ELMO1: variants seen among roughly 807,000 people sequenced by gnomAD.
ELMO1 encodes engulfment and cell motility protein 1.
A neutral mutation model predicts 98.9 loss-of-function variants in ELMO1; 26 were observed. The observed-to-expected ratio is 0.26, with a 90% CI of 0.19 to 0.36. The LOEUF is 0.36. Among genes scored for constraint, ELMO1 ranks in the 10% least tolerant of loss-of-function variants. The probability of loss-of-function intolerance (pLI) is 1.00; values close to 1 mark genes in which losing one functional copy is unlikely to be tolerated. For synonymous variants in ELMO1, 346 were observed against 346.0 expected, an observed-to-expected ratio of 1.00 and a Z score of 0.00; for missense variants, 627 against 935.2, an observed-to-expected ratio of 0.67 and a Z score of 4.30.
At chr7:36,970,281 T>G (rs969529115) in intron 16 of ELMO1, among the ~76,000 whole-genome samples, 8 of 152,128 alleles carry the variant, frequency 5.3e-5, no homozygotes, top group African/African-American at 1.9e-4. Context: ...ATGAATTATT[T>G]CTTGGTAATC....
At chr7:37,423,760 C>T (rs79315690) in intron 1 of ELMO1, among the ~76,000 whole-genome samples, 1 of 152,158 alleles carries the variant, frequency 6.6e-6, no homozygotes, top group East Asian at 1.9e-4. Context: ...CAGGGAAATA[C>T]GGACTTGGGA....
At chr7:37,039,119 C>G (rs966264135) in intron 15 of ELMO1, among the ~76,000 whole-genome samples, 42 of 152,090 alleles carry the variant, frequency 2.8e-4, no homozygotes, top group Admixed American at 2.4e-3. Flanking sequence ...AAATGAGTCA[C>G]TGCTCCAATT....
At position 36,958,513 on chromosome 7, in the gene ELMO1, A is replaced by G. The variant is rs370805609; in HGVS notation, c.1437+54786T>C. On this transcript the variant is annotated intron_variant, in intron 16 of 21. Coordinates refer to ENST00000310758, the MANE Select transcript of ELMO1 (RefSeq NM_014800.11). ...AACTTAGATCCTCATTTCACTAAGAAACTAAAAGCAATCATAAGATAACTT... is the reference window on the plus strand; with the variant it reads ...AACTTAGATCCTCATTTCACTAAGAGACTAAAAGCAATCATAAGATAACTT... 1.1e-4 allele frequency among the ~76,000 whole-genome samples: 16 copies of G among 152,294 alleles called. No individual in the cohort carries two copies. The East Asian group carries it at 1.5e-3, about 15-fold the overall frequency.
At chr7:37,285,975 G>C (rs926117936) in intron 4 of ELMO1, among the ~76,000 whole-genome samples, 1 of 151,600 alleles carries the variant, frequency 6.6e-6, no homozygotes, top group Admixed American at 6.6e-5. Context: ...GTCTCAGAAA[G>C]CCACAAAGTG....
intron 1 of ELMO1, among the ~76,000 whole-genome samples, chr7:37,425,632 CA>C (rs1418237835): frequency 6.6e-5 from 10 of 152,246 alleles, no homozygotes; most frequent in African/African-American, 2.4e-4. Context: ...TGGCTTTGGC[CA>C]AGTAATCACA....
At chr7:37,088,922 C>T (rs1038547944) in intron 15 of ELMO1, among the ~76,000 whole-genome samples, 1 of 151,856 alleles carries the variant, frequency 6.6e-6, no homozygotes, top group Non-Finnish European at 1.5e-5. Flanking sequence ...AAGAGTAGAA[C>T]GTGAAAATTC....
At chr7:36,941,537 C>T (rs1055738996) in intron 16 of ELMO1, among the ~76,000 whole-genome samples, 5 of 152,210 alleles carry the variant, frequency 3.3e-5, no homozygotes, top group African/African-American at 1.2e-4. Flanking sequence ...CCTTCTTAAA[C>T]CTAGCATTTC....
intron 18 of ELMO1, among the ~76,000 whole-genome samples, chr7:36,883,890 A>G (rs1246795872): frequency 1.3e-5 from 2 of 152,230 alleles, no homozygotes; most frequent in Non-Finnish European, 2.9e-5. Flanking sequence ...TCCAGGGAAC[A>G]CAGAAGCCAG....
At chr7:37,033,506 A>AG in intron 15 of ELMO1, 1 of 406,924 alleles carries the variant, frequency 2.5e-6, no homozygotes, top group Non-Finnish European at 4.8e-6. Flanking sequence ...AAAAAAAAAA[A>AG]TACACCAAAC....
intron 15 of ELMO1, among the ~76,000 whole-genome samples, chr7:37,067,088 T>A (rs1797021872): frequency 6.6e-6 from 1 of 152,230 alleles, no homozygotes. Flanking sequence ...TGTCAGAATT[T>A]AAAGAAGATC....
chr7:36,955,970 T>C (rs1788407603), intron 16 of ELMO1, among the ~76,000 whole-genome samples: 1 of 152,240 alleles, frequency 6.6e-6, no homozygotes, highest in Non-Finnish European at 1.5e-5. Context: ...CTGGATTCCA[T>C]GTCTCTCTCC....
intron 16 of ELMO1, among the ~76,000 whole-genome samples, chr7:37,010,796 T>C (rs1342635874): frequency 6.6e-6 from 1 of 152,212 alleles, no homozygotes; most frequent in Non-Finnish European, 1.5e-5. Context: ...AAAAGTTATA[T>C]ACGCATGACA....
chr7:36,861,966 G>A (rs1038397026), intron 20 of ELMO1: 12 of 562,522 alleles, frequency 2.1e-5, no homozygotes, highest in African/African-American at 2.1e-4. Context: ...TGCAGCCCAT[G>A]TAGCAAGTGT....
intron 13 of ELMO1, among the ~76,000 whole-genome samples, chr7:37,193,988 C>A (rs1353575973): frequency 6.6e-6 from 1 of 152,200 alleles, no homozygotes; most frequent in Non-Finnish European, 1.5e-5. Context: ...CACTTCTCAT[C>A]CAGAATGCTC....
At chr7:37,365,962 A>G (rs184604757) in intron 1 of ELMO1, among the ~76,000 whole-genome samples, 171 of 152,386 alleles carry the variant, frequency 1.1e-3, no homozygotes, top group African/African-American at 3.7e-3. Flanking sequence ...AAAATATCTG[A>G]TAGATGAATG....
intron 1 of ELMO1, among the ~76,000 whole-genome samples, chr7:37,409,233 A>G (rs1803899646): frequency 4.6e-5 from 7 of 152,280 alleles, no homozygotes; most frequent in Admixed American, 3.9e-4. Flanking sequence ...TAATGCTGAC[A>G]TCTATTAAAT....
At chr7:37,018,130 T>A (rs1449435756) in intron 15 of ELMO1, among the ~76,000 whole-genome samples, 1 of 147,380 alleles carries the variant, frequency 6.8e-6, no homozygotes, top group East Asian at 2.0e-4. Flanking sequence ...TAGTTACTAT[T>A]TTTTTTTTTT....
intron 10 of ELMO1, 21 bp from the exon 11 acceptor site, chr7:37,216,716 C>T: frequency 6.2e-7 from 1 of 1,608,592 alleles, no homozygotes; most frequent in Non-Finnish European, 8.5e-7. Flanking sequence ...AAAACACACC[C>T]ACACAAAGGC....
At chr7:37,260,181 T>C (rs1229264596) in intron 5 of ELMO1, among the ~76,000 whole-genome samples, 2 of 152,234 alleles carry the variant, frequency 1.3e-5, no homozygotes, top group African/African-American at 4.8e-5. Flanking sequence ...ATGTTCTGCC[T>C]GTGTTTTTGC....
Sources: gnomAD v4.1 joint callset for allele counts (sites outside exome capture counted in the v4.1 genomes callset) on GRCh38, gnomAD v4.1.1 for gene constraint, MANE v1.5 for transcripts, NCBI Gene and HGNC (gene_info 2026-07-23, HGNC 2026-07-21) for gene names.